Variants in SCAF4 observed in about 807,000 individuals in gnomAD.
SCAF4 encodes the protein SR-related CTD associated factor 4, also known as SR-related and CTD-associated factor 4.
Under a neutral mutation model 129.8 loss-of-function variants are expected in SCAF4, and 25 were observed. That is an observed-to-expected ratio of 0.19 (90% confidence interval 0.14 to 0.27). The LOEUF (loss-of-function observed/expected upper bound fraction) is 0.27, where lower values mean the gene tolerates loss of function less well. SCAF4 is among the 10% of genes least tolerant of loss of function. The pLI is 1.00. For missense variants in SCAF4, 1,246 were observed against 1,457.1 expected (o/e 0.86, Z 2.36); for synonymous variants, 551 against 497.7 (o/e 1.11, Z -1.43).
Position 31,708,290 on chromosome 21 carries a change from C to A in SCAF4, c.31-1933G>T, listed in dbSNP as rs567436210. Among the ~76,000 whole-genome samples, 1,094 of 151,362 alleles carry A rather than the reference C, an allele frequency of 7.2e-3. 12 individuals are homozygous for A. The highest frequency in any genetic ancestry group is 0.025 in the African/African-American group (1,031 of 41,248). On this transcript the variant is annotated intron_variant, in intron 1 of 19. Coordinates refer to ENST00000286835, the MANE Select transcript of SCAF4 (RefSeq NM_020706.2). ...ACTTGGGAGGCTGAGGCAGGAGAAT[C>A]GCTTGAACCCAGGAGGCGGACAGAG...
chr21:31,703,967 A>C (rs1190377764), intron 3 of SCAF4, 41 bp from the exon 4 acceptor site: 3 of 1,288,718 alleles, frequency 2.3e-6, no homozygotes, highest in Non-Finnish European at 3.2e-6. Context: ...GAAAAAGCAA[A>C]GTCACAATCT....
Position 31,671,967 on chromosome 21 carries a change from G to T in SCAF4, c.2876C>A (p.Pro959Gln). ...TGGCTGCTGCTGCTGCTGCTGCTGTGGTTGCTGGGGCGCCTGCGGCTGTGG... is the reference window on the plus strand; with the variant it reads ...TGGCTGCTGCTGCTGCTGCTGCTGTTGTTGCTGGGGCGCCTGCGGCTGTGG... ...QQPQPQAPQQ[P>Q]QQQQQQQPPP... Residue 959 changes from proline (P) to glutamine (Q), a missense_variant, in exon 20 of 20, where the codon CCA becomes CAA. Pro to Gln is a moderately conservative substitution (Grantham distance 76). Coordinates refer to ENST00000286835, the MANE Select transcript of SCAF4 (RefSeq NM_020706.2). 1 of 1,608,312 alleles carries T rather than the reference G, an allele frequency of 6.2e-7. No individual in the cohort carries two copies. Among genetic ancestry groups the T allele is most frequent in the East Asian group, 2.2e-5 (1 of 44,826 alleles).
At chr21:31,729,749 T>C (rs1054479942) in intron 1 of SCAF4, among the ~76,000 whole-genome samples, 2 of 152,236 alleles carry the variant, frequency 1.3e-5, no homozygotes, top group African/African-American at 4.8e-5. Flanking sequence ...TGAAATGAAC[T>C]GGAAAATGAA....
At chr21:31,683,894 A>G (rs564711907) in intron 19 of SCAF4, 41 of 153,122 alleles carry the variant, frequency 2.7e-4, no homozygotes, top group African/African-American at 9.1e-4. Flanking sequence ...TTAATCCCAA[A>G]TCCTCTTTTA....
intron 3 of SCAF4, among the ~76,000 whole-genome samples, chr21:31,704,796 T>TAC (rs1186728654): frequency 6.6e-6 from 1 of 152,224 alleles, no homozygotes; most frequent in African/African-American, 2.4e-5. Context: ...TTTGATGTAC[T>TAC]ACTATGCAAA....
intron 14 of SCAF4, 121 bp from the exon 15 acceptor site, chr21:31,691,074 C>A (rs1454361378): frequency 2.9e-6 from 2 of 697,004 alleles, no homozygotes; most frequent in African/African-American, 3.6e-5. Context: ...TCTGGACCAG[C>A]TAGGCTTGGA....
chr21:31,716,003 G>T (rs978165027), intron 1 of SCAF4, among the ~76,000 whole-genome samples: 7 of 152,062 alleles, frequency 4.6e-5, no homozygotes, highest in African/African-American at 1.7e-4. Context: ...ATAAAAACTG[G>T]CAGACAAAAG....
At chr21:31,723,258 C>T (rs1043165950) in intron 1 of SCAF4, among the ~76,000 whole-genome samples, 3 of 152,092 alleles carry the variant, frequency 2.0e-5, no homozygotes, top group Non-Finnish European at 1.5e-5. Flanking sequence ...TAGTGGCCAG[C>T]CTGGCCAACA....
chr21:31,679,001 T>G (rs1420590085), intron 19 of SCAF4, among the ~76,000 whole-genome samples: 1 of 152,180 alleles, frequency 6.6e-6, no homozygotes, highest in Non-Finnish European at 1.5e-5. Context: ...TATGAGTGAA[T>G]GGTGTTTGCA....
chr21:31,696,500 GTTAC>G, intron 8 of SCAF4, 65 bp downstream of exon 8: 2 of 1,350,986 alleles, frequency 1.5e-6, no homozygotes, highest in Non-Finnish European at 2.0e-6. Flanking sequence ...ATTGCTAAAT[GTTAC>G]TTAGGTTATG....
intron 16 of SCAF4, among the ~76,000 whole-genome samples, chr21:31,686,885 G>C (rs2050139505): frequency 6.6e-6 from 1 of 152,196 alleles, no homozygotes; most frequent in Non-Finnish European, 1.5e-5. Flanking sequence ...CCAGTCCATG[G>C]AAAAATTGCC....
Position 31,671,973 on chromosome 21 carries a change from T to A in SCAF4, c.2870A>T (p.Gln957Leu). ...CTGCTGCTGCTGCTGCTGTGGTTGC[T>A]GGGGCGCCTGCGGCTGTGGCTGCTG... ...PQQQPQPQAPQQPQQQQQQQP... is the reference protein window; with the variant it reads ...PQQQPQPQAPLQPQQQQQQQP... Residue 957 changes from glutamine to leucine, a missense_variant, in exon 20 of 20, where the codon CAG becomes CTG. Physicochemically the swap from Gln to Leu is moderately radical, Grantham distance 113 (BLOSUM62 -2). Around this residue, in one of 6 missense-constraint regions of SCAF4, gnomAD observed 339 missense variants for 325.0 expected, o/e 1.04. Coordinates refer to ENST00000286835, the MANE Select transcript of SCAF4 (RefSeq NM_020706.2). 1 of 1,611,096 alleles carries A rather than the reference T, an allele frequency of 6.2e-7. No homozygotes were observed. The highest frequency in any genetic ancestry group is 1.1e-5 in the South Asian group (1 of 90,864).
At chr21:31,704,213 A>C (rs1482928642) in intron 3 of SCAF4, among the ~76,000 whole-genome samples, 1 of 152,100 alleles carries the variant, frequency 6.6e-6, no homozygotes, top group Non-Finnish European at 1.5e-5. Flanking sequence ...ACCAATCCTT[A>C]AGCCAGTTCC....
At chr21:31,679,372 T>C (rs1347481473) in intron 19 of SCAF4, among the ~76,000 whole-genome samples, 1 of 152,154 alleles carries the variant, frequency 6.6e-6, no homozygotes, top group African/African-American at 2.4e-5. Context: ...TTATCCTTTT[T>C]CCATTTCAGA....
rs190336536 is a variant in SCAF4 at position 31,673,906 on chromosome 21, C to T, written c.2489-1552G>A. On this transcript the variant is annotated intron_variant, in intron 19 of 19. Transcript: ENST00000286835. ...TAAAATGACCAATGTTTACTGTTAACGGAGGTCAGCATAGAACATTCTGGT... is the reference window on the plus strand; with the variant it reads ...TAAAATGACCAATGTTTACTGTTAATGGAGGTCAGCATAGAACATTCTGGT... 1.4e-4 allele frequency among the ~76,000 whole-genome samples: 21 copies of T among 152,226 alleles called. No homozygotes were observed. The Middle Eastern group carries it at 0.01, about 74-fold the overall frequency.
Position 31,671,301 on chromosome 21 carries a change from GC to G in SCAF4, c.*97del. 7.3e-7 allele frequency: 1 copy of G among 1,368,166 alleles called. No individual in the cohort carries two copies. 84.8% of individuals were successfully genotyped at this position (1,368,166 alleles called of 1,614,324 possible). On this transcript the variant is annotated 3_prime_UTR_variant, in exon 20 of 20. Transcript: ENST00000286835. ...ACAGTTCCCCACCAGCTGGCGCGGG[GC>G]TGCAGTACAGCGGGAGCGGATATAA...
intron 9 of SCAF4, 46 bp from the exon 10 acceptor site, chr21:31,695,026 T>A: frequency 6.6e-7 from 1 of 1,525,104 alleles, no homozygotes; most frequent in Non-Finnish European, 8.9e-7. Flanking sequence ...ATCAAAATAA[T>A]TTGGAAAACC....
At chr21:31,728,756 C>G (rs1181447833) in intron 1 of SCAF4, among the ~76,000 whole-genome samples, 1 of 152,098 alleles carries the variant, frequency 6.6e-6, no homozygotes, top group African/African-American at 2.4e-5. Flanking sequence ...GGATGTCTCC[C>G]TCTATCTCTT....
chr21:31,731,217 C>T (rs1236467231), intron 1 of SCAF4, among the ~76,000 whole-genome samples: 1 of 152,130 alleles, frequency 6.6e-6, no homozygotes, highest in Non-Finnish European at 1.5e-5. Context: ...TCCGCCAGCC[C>T]CACGACCGGC....
Sources: gnomAD v4.1 joint callset for allele counts (sites outside exome capture counted in the v4.1 genomes callset) on GRCh38, gnomAD v4.1.1 for gene constraint, gnomAD v4.1.1 regional missense constraint, MANE v1.5 for transcripts, NCBI Gene and HGNC (gene_info 2026-07-23, HGNC 2026-07-21) for gene names.